The following HERC1 variants were observed in gnomAD, a reference collection of about 807,000 sequenced individuals.
HERC1 encodes probable E3 ubiquitin-protein ligase HERC1.
Under a neutral mutation model 554.3 loss-of-function variants are expected in HERC1, and 160 were observed. The ratio of observed to expected loss-of-function variants is 0.29; its 90% CI spans 0.25 to 0.33. HERC1 has a LOEUF of 0.33. HERC1 is among the 10% of genes least tolerant of loss of function. HERC1 has a pLI of 1.00. For missense variants in HERC1, 4,919 were observed against 5,918.5 expected (o/e 0.83, Z 5.54); for synonymous variants, 2,175 against 2,131.7 (o/e 1.02, Z -0.56).
At chr15:63,661,715 C>G (rs1317842145) in intron 45 of HERC1, 38 bp downstream of exon 45, 13 of 1,601,840 alleles carry the variant, frequency 8.1e-6, no homozygotes, top group Non-Finnish European at 1.1e-5. Context: ...TATGAGGTAT[C>G]TTCAGGAGGT....
In HERC1 at chr15:63,698,290, T is replaced by C. The variant is rs2072538351; in HGVS notation, c.4905+438A>G. On this transcript the variant is annotated intron_variant, in intron 26 of 77. Coordinates refer to ENST00000443617, the MANE Select transcript of HERC1 (RefSeq NM_003922.4). Reference sequence around the variant, plus strand: ...AAAATTAGCCAAGCATGGTGGCGCATGCCTATAATCTCTGCTACTCTGGAG... The same window carrying C: ...AAAATTAGCCAAGCATGGTGGCGCACGCCTATAATCTCTGCTACTCTGGAG... Among the ~76,000 whole-genome samples, 3 of 151,982 alleles carry C rather than the reference T, an allele frequency of 2.0e-5. No individual in the cohort carries two copies. In the South Asian group the frequency reaches 6.2e-4, roughly 31 times the overall value.
At chr15:63,816,230 CT>C (rs1214524883) in intron 1 of HERC1, among the ~76,000 whole-genome samples, 1 of 152,134 alleles carries the variant, frequency 6.6e-6, no homozygotes, top group African/African-American at 2.4e-5. Flanking sequence ...TACTGTAAGT[CT>C]TTTACATGTT....
At chr15:63,659,014 C>T (rs1322403906) in intron 47 of HERC1, among the ~76,000 whole-genome samples, 1 of 152,156 alleles carries the variant, frequency 6.6e-6, no homozygotes, top group Non-Finnish European at 1.5e-5. Context: ...ATCACATCTA[C>T]TGATTATAAG....
In HERC1 at chr15:63,649,877, G is replaced by T. The variant is rs745349196; in HGVS notation, c.10595C>A (p.Ala3532Asp). ...TGTAGCCGGACCCTCTTCTGGCCAA[G>T]CCAGGGCAGATACCCAATGAGGCTG... ...DIQPHWVSAL[A>D]WPEEGPATAW... The change falls in exon 54 of 78, where the codon GCT becomes GAT. Residue 3532 changes from alanine to aspartate, a missense_variant. By Grantham distance (126) the Ala-to-Asp change is moderately radical. Coordinates refer to ENST00000443617, the MANE Select transcript of HERC1 (RefSeq NM_003922.4). 1 of 1,612,508 alleles carries T rather than the reference G, an allele frequency of 6.2e-7. No individual in the cohort carries two copies. The highest frequency in any genetic ancestry group is 1.1e-5 in the South Asian group (1 of 90,676).
rs764059276 is a variant in HERC1, at chr15:63,734,157, ACT to A, written c.2646+565_2646+566del. 6.6e-6 allele frequency among the ~76,000 whole-genome samples: 1 copy of A among 152,076 alleles called. No individual in the cohort carries two copies. Among genetic ancestry groups the A allele is most frequent in the Non-Finnish European group, 1.5e-5 (1 of 68,008 alleles). The stretch of plus-strand genomic sequence containing the variant: ...ACTCCAGCGTGGATGACAGAGCAAG[ACT>A]CTGTCTCCAAAAAAAGATTTAAAAA... On this transcript the variant is annotated intron_variant, in intron 13 of 77. Coordinates refer to ENST00000443617, the MANE Select transcript of HERC1 (RefSeq NM_003922.4). This position sits in a 1 kb window ranked among gnomAD's most constrained non-coding sequence, Gnocchi z 4.6.
At chr15:63,804,311 C>T (rs2077072865) in intron 1 of HERC1, among the ~76,000 whole-genome samples, 1 of 152,130 alleles carries the variant, frequency 6.6e-6, no homozygotes, top group Non-Finnish European at 1.5e-5. Context: ...GCTAGCCGGG[C>T]ACAGTGGCTC....
At position 63,666,247 on chromosome 15, in the gene HERC1, T is replaced by C. The variant is rs913403786; in HGVS notation, c.8324-97A>G. 5 of 1,374,806 alleles carry C rather than the reference T, an allele frequency of 3.6e-6. No homozygotes were observed. The South Asian group carries it at 3.8e-5, about 10-fold the overall frequency. The allele number at this position is 1,374,806 out of a possible 1,614,324, so 85.2% of individuals were successfully genotyped here. A position where few individuals can be genotyped will look rare whatever the true frequency, so the allele number is the denominator to read the frequency against. Reference sequence around the variant, plus strand: ...GCTATGATGCTCTTGTAACAAAATATAGTGTTAAAAATCTTACCAAGTTTC... The same window carrying C: ...GCTATGATGCTCTTGTAACAAAATACAGTGTTAAAAATCTTACCAAGTTTC... On this transcript the variant is annotated intron_variant, in intron 41 of 77. Transcript: ENST00000443617.
In HERC1 at chr15:63,696,201, G is replaced by C. The variant is rs74814914; in HGVS notation, c.5044C>G (p.Leu1682Val). The C allele has an allele frequency of 0.033, 53,501 of 1,613,338 alleles. 1,127 individuals are homozygous for C. Among genetic ancestry groups the C allele is most frequent in the Non-Finnish European group, 0.04 (46,801 of 1,179,504 alleles). Residue 1682 changes from leucine to valine, a missense_variant, in exon 27 of 78, where the codon CTA becomes GTA. Transcript: ENST00000443617. ...TLLTSVRLQF[L>V]AGCFGLGTVG... ...GTGCCTAAACCAAAACACCCTGCTA[G>C]GAACTGCAGCCTCACAGACGTGAGT...
intron 3 of HERC1, among the ~76,000 whole-genome samples, chr15:63,763,731 C>T (rs1434484354): frequency 6.6e-6 from 1 of 151,832 alleles, no homozygotes; most frequent in East Asian, 1.9e-4. Context: ...GAAAGGGCTT[C>T]TGCAATGACT....
chr15:63,714,815 G>A (rs959273534), intron 22 of HERC1, among the ~76,000 whole-genome samples: 1 of 151,930 alleles, frequency 6.6e-6, no homozygotes, highest in African/African-American at 2.4e-5. Context: ...CCAAAGTGCT[G>A]GGATTACAGC....
rs2076094960 is a variant in HERC1 at position 63,775,800 on chromosome 15, G to A, written c.-26-151C>T. Reference sequence around the variant, plus strand: ...CGCCTGTAATCCCAACACTTTGGGAGGCCAAAGTGGGCAGATCACTTGAGG... The same window carrying A: ...CGCCTGTAATCCCAACACTTTGGGAAGCCAAAGTGGGCAGATCACTTGAGG... On this transcript the variant is annotated intron_variant, in intron 1 of 77. Transcript: ENST00000443617. The surrounding 1 kb of genome is among the most constrained non-coding windows in gnomAD (Gnocchi z 4.0). 6.6e-6 allele frequency among the ~76,000 whole-genome samples: 1 copy of A among 152,208 alleles called. No individual in the cohort carries two copies. Among genetic ancestry groups the A allele is most frequent in the Admixed American group, 6.5e-5 (1 of 15,282 alleles).
chr15:63,658,754 T>C (rs1252982899), intron 47 of HERC1, 36 bp from the exon 48 acceptor site: 3 of 1,549,518 alleles, frequency 1.9e-6, no homozygotes, highest in Non-Finnish European at 2.6e-6. Flanking sequence ...CTCAACAAGG[T>C]AAGAAAAAAA....
At chr15:63,760,037 G>A (rs1392786934) in intron 3 of HERC1, among the ~76,000 whole-genome samples, 3 of 152,104 alleles carry the variant, frequency 2.0e-5, no homozygotes, top group African/African-American at 2.4e-5. Flanking sequence ...GGTGGCTCAT[G>A]CCTCTTGATA....
chr15:63,749,357 G>A lies in HERC1; in HGVS notation c.2219+10C>T, dbSNP rs766970068. The A allele has an allele frequency of 6.4e-7, 1 of 1,565,736 alleles. No homozygotes were observed. Among genetic ancestry groups the A allele is most frequent in the South Asian group, 1.2e-5 (1 of 83,522 alleles). On this transcript the variant is annotated intron_variant, in intron 10 of 77. Transcript: ENST00000443617. The surrounding 1 kb of genome is among the most constrained non-coding windows in gnomAD (Gnocchi z 4.1). The stretch of plus-strand genomic sequence containing the variant: ...AACACACAAGAATTTTTAAACATAG[G>A]CACTCTTACCTGTCCCTAGGAAGAG...
intron 8 of HERC1, chr15:63,752,570 A>C (rs1469776676): frequency 6.4e-6 from 1 of 156,944 alleles, no homozygotes; most frequent in Non-Finnish European, 1.4e-5. Flanking sequence ...TTCCATACCT[A>C]AGTGTTCTCT....
intron 1 of HERC1, among the ~76,000 whole-genome samples, chr15:63,814,127 G>A (rs1284931708): frequency 6.6e-6 from 1 of 152,134 alleles, no homozygotes; most frequent in Admixed American, 6.6e-5. Context: ...TATATGTACA[G>A]AATTTGGAAA....
intron 25 of HERC1, among the ~76,000 whole-genome samples, chr15:63,706,450 C>G (rs17772987): frequency 0.28 from 42,930 of 151,992 alleles, 6,733 homozygotes; most frequent in Middle Eastern, 0.4. Context: ...TTGTAAATAA[C>G]CCCTTTCCAT....
At chr15:63,827,761 G>A (rs1027329217) in intron 1 of HERC1, among the ~76,000 whole-genome samples, 2 of 152,168 alleles carry the variant, frequency 1.3e-5, no homozygotes, top group African/African-American at 4.8e-5. Context: ...ACTGACGCAT[G>A]AACAAAATGT....
chr15:63,659,569 T>G (rs1389238366), intron 47 of HERC1, among the ~76,000 whole-genome samples, 167 bp downstream of exon 47: 1 of 152,174 alleles, frequency 6.6e-6, no homozygotes, highest in Admixed American at 6.5e-5. Flanking sequence ...TAATACCACA[T>G]TATACCTTCA....
Sources: gnomAD v4.1 joint callset for allele counts (sites outside exome capture counted in the v4.1 genomes callset) on GRCh38, gnomAD v4.1.1 for gene constraint, Gnocchi (gnomAD v3.1) non-coding constraint, MANE v1.5 for transcripts, NCBI Gene and HGNC (gene_info 2026-07-23, HGNC 2026-07-21) for gene names.